KRIT1: variants seen among roughly 807,000 people sequenced by gnomAD.
KRIT1 encodes KRIT1 ankyrin repeat containing.
Under a neutral mutation model 95.8 loss-of-function variants are expected in KRIT1, and 45 were observed. The observed-to-expected ratio is 0.47, with a 90% CI of 0.37 to 0.60. The LOEUF (loss-of-function observed/expected upper bound fraction) is 0.60, where lower values mean the gene tolerates loss of function less well. KRIT1 is among the 20% of genes least tolerant of loss of function. The pLI, the probability that KRIT1 is intolerant of heterozygous loss-of-function variation, is 0.00. For missense variants in KRIT1, 788 were observed against 877.5 expected, an observed-to-expected ratio of 0.90 and a Z score of 1.29; for synonymous variants, 282 against 278.8, an observed-to-expected ratio of 1.01 and a Z score of -0.11.
chr7:92,214,184 T>G (rs1175887180), intron 15 of KRIT1, among the ~76,000 whole-genome samples: 1 of 152,148 alleles, frequency 6.6e-6, no homozygotes, highest in African/African-American at 2.4e-5. Flanking sequence ...CTTCTTTCAA[T>G]AACCAGAAAA....
intron 10 of KRIT1, among the ~76,000 whole-genome samples, chr7:92,232,980 A>C (rs1335098459): frequency 1.3e-5 from 2 of 152,192 alleles, no homozygotes; most frequent in African/African-American, 4.8e-5. Context: ...GGTGTGAGCC[A>C]CTGCACCCGG....
chr7:92,239,676 C>T (rs948378477), intron 5 of KRIT1, among the ~76,000 whole-genome samples: 11 of 148,850 alleles, frequency 7.4e-5, no homozygotes, highest in African/African-American at 1.5e-4. Flanking sequence ...TTGTGAGACT[C>T]GGAGTGTTTA....
At chr7:92,226,733 A>C (rs1353961201) in intron 10 of KRIT1, 51 bp from the exon 11 acceptor site, 4 of 1,549,924 alleles carry the variant, frequency 2.6e-6, no homozygotes, top group Non-Finnish European at 3.5e-6. Flanking sequence ...AAACTTACCT[A>C]AAAAGATCAT....
chr7:92,229,986 T>G (rs1329875911), intron 10 of KRIT1, among the ~76,000 whole-genome samples: 1 of 152,188 alleles, frequency 6.6e-6, no homozygotes, highest in Non-Finnish European at 1.5e-5. Flanking sequence ...GGATGAAATC[T>G]GAGAATGAAT....
At chr7:92,235,824 AT>A (rs566891412) in intron 7 of KRIT1, 178 bp from the exon 8 acceptor site, 27 of 566,308 alleles carry the variant, frequency 4.8e-5, no homozygotes, top group African/African-American at 4.1e-4. Flanking sequence ...TTGCAAATTG[AT>A]TTTTTTAACA....
intron 17 of KRIT1, among the ~76,000 whole-genome samples, chr7:92,209,787 G>A (rs1454836056): frequency 1.3e-5 from 2 of 152,166 alleles, no homozygotes; most frequent in African/African-American, 4.8e-5. Context: ...TATAGGCCAG[G>A]CATGGTGGCT....
intron 8 of KRIT1, 73 bp from the exon 9 acceptor site, chr7:92,234,996 A>G: frequency 1.3e-6 from 1 of 774,332 alleles, no homozygotes; most frequent in Admixed American, 1.9e-5. Context: ...TTATATTTTA[A>G]ATTTTTACTT....
At chr7:92,219,447 T>A (rs902071024) in intron 14 of KRIT1, among the ~76,000 whole-genome samples, 44 of 152,258 alleles carry the variant, frequency 2.9e-4, no homozygotes, top group African/African-American at 9.9e-4. Flanking sequence ...GTCTACCGGC[T>A]GTATATGTAT....
intron 12 of KRIT1, among the ~76,000 whole-genome samples, chr7:92,224,432 C>G (rs925449167): frequency 1.3e-5 from 2 of 152,018 alleles, no homozygotes; most frequent in African/African-American, 4.8e-5. Context: ...TGAATAGCCA[C>G]TGTACTCCAG....
At chr7:92,201,212 G>A in intron 18 of KRIT1, 95 bp downstream of exon 18, 3 of 748,160 alleles carry the variant, frequency 4.0e-6, no homozygotes, top group Non-Finnish European at 7.2e-6. Flanking sequence ...AATATTACAG[G>A]TTTTCCTTGA....
intron 14 of KRIT1, among the ~76,000 whole-genome samples, chr7:92,216,270 A>G (rs1394399544): frequency 6.6e-6 from 1 of 150,862 alleles, no homozygotes; most frequent in African/African-American, 2.4e-5. Context: ...AACTGAAATA[A>G]TACTATTTTT....
intron 17 of KRIT1, 89 bp from the exon 18 acceptor site, chr7:92,201,512 C>G (rs575109650): frequency 1.3e-6 from 1 of 774,496 alleles, no homozygotes; most frequent in African/African-American, 1.7e-5. Flanking sequence ...GTTGTCTGCT[C>G]TAAATATAAT....
chr7:92,214,151 A>G (rs1431889523), intron 15 of KRIT1, among the ~76,000 whole-genome samples, 172 bp from the exon 16 acceptor site: 1 of 152,180 alleles, frequency 6.6e-6, no homozygotes, highest in Non-Finnish European at 1.5e-5. Context: ...CAAATCTCAT[A>G]TTATCAATTT....
intron 17 of KRIT1, among the ~76,000 whole-genome samples, chr7:92,207,578 C>T (rs982787621): frequency 6.6e-6 from 1 of 152,060 alleles, no homozygotes; most frequent in Admixed American, 6.6e-5. Flanking sequence ...ATTTAACAGC[C>T]AGGTGCAGTG....
chr7:92,224,851 T>C (rs1286967130), intron 12 of KRIT1, among the ~76,000 whole-genome samples: 1 of 152,138 alleles, frequency 6.6e-6, no homozygotes, highest in Admixed American at 6.5e-5. Context: ...TATGTGACAA[T>C]GAATAGATTA....
chr7:92,222,258 T>C (rs1345286682), intron 13 of KRIT1, among the ~76,000 whole-genome samples: 1 of 152,132 alleles, frequency 6.6e-6, no homozygotes, highest in African/African-American at 2.4e-5. Flanking sequence ...TTAAAAATAA[T>C]TCTTACATAA....
intron 17 of KRIT1, among the ~76,000 whole-genome samples, chr7:92,207,225 C>G (rs1791738266): frequency 6.6e-6 from 1 of 152,062 alleles, no homozygotes; most frequent in Admixed American, 6.5e-5. Context: ...TGTCAAAACT[C>G]AAAGACAACA....
At chr7:92,211,255 GA>G (rs1181576562) in intron 17 of KRIT1, among the ~76,000 whole-genome samples, 2 of 152,180 alleles carry the variant, frequency 1.3e-5, no homozygotes, top group Non-Finnish European at 2.9e-5. Flanking sequence ...CAATAGCAAA[GA>G]TATGGAATCA....
At chr7:92,242,360 C>A (rs1213263458) in intron 3 of KRIT1, among the ~76,000 whole-genome samples, 3 of 152,120 alleles carry the variant, frequency 2.0e-5, no homozygotes, top group African/African-American at 7.2e-5. Context: ...TACTCAAAAC[C>A]TTAGCTGATA....
Sources: gnomAD v4.1 joint callset for allele counts (sites outside exome capture counted in the v4.1 genomes callset) on GRCh38, gnomAD v4.1.1 for gene constraint, MANE v1.5 for transcripts, NCBI Gene and HGNC (gene_info 2026-07-23, HGNC 2026-07-21) for gene names.